Variants in ATG10 observed in about 807,000 individuals in gnomAD.
The protein encoded by ATG10 is autophagy related 10.
A neutral mutation model predicts 32.1 loss-of-function variants in ATG10; 30 were observed. The ratio of observed to expected loss-of-function variants is 0.94; its 90% CI spans 0.70 to 1.27. The LOEUF is 1.27. Among genes scored for constraint, ATG10 ranks in the 50% most tolerant of loss-of-function variants. The pLI is 0.00. For missense variants in ATG10, 233 were observed against 262.3 expected, an observed-to-expected ratio of 0.89 and a Z score of 0.77; for synonymous variants, 87 against 91.5, an observed-to-expected ratio of 0.95 and a Z score of 0.28.
chr5:82,137,811 G>A (rs1766827886), intron 3 of ATG10, among the ~76,000 whole-genome samples: 1 of 152,084 alleles, frequency 6.6e-6, no homozygotes, highest in Non-Finnish European at 1.5e-5. Context: ...CTGAAGCTTC[G>A]CCCACTGCCA....
At chr5:82,166,188 CCTTT>C (rs756824755) in intron 4 of ATG10, among the ~76,000 whole-genome samples, 7 of 152,076 alleles carry the variant, frequency 4.6e-5, no homozygotes, top group Non-Finnish European at 1.0e-4. Flanking sequence ...TTTCTGTGAT[CCTTT>C]CTTCACGATT....
At chr5:81,991,795 CAA>C (rs879300586) in intron 2 of ATG10, among the ~76,000 whole-genome samples, 5 of 127,306 alleles carry the variant, frequency 3.9e-5, no homozygotes, top group African/African-American at 5.8e-5. Context: ...AACTCCGTCT[CAA>C]AAAAAAAAAA....
At chr5:81,991,790 C>T (rs1452453303) in intron 2 of ATG10, among the ~76,000 whole-genome samples, 1 of 150,046 alleles carries the variant, frequency 6.7e-6, no homozygotes, top group Non-Finnish European at 1.5e-5. Context: ...AGTGAAACTC[C>T]GTCTCAAAAA....
At chr5:82,051,207 A>G (rs1405585815) in intron 2 of ATG10, among the ~76,000 whole-genome samples, 2 of 152,110 alleles carry the variant, frequency 1.3e-5, no homozygotes, top group East Asian at 1.9e-4. Context: ...AATGAAAGCA[A>G]TAATTGTGGA....
chr5:82,204,169 T>C (rs1313251377), intron 5 of ATG10, among the ~76,000 whole-genome samples: 1 of 152,224 alleles, frequency 6.6e-6, no homozygotes, highest in East Asian at 1.9e-4. Flanking sequence ...GTAGTACTGC[T>C]TTATTTTTTG....
intron 1 of ATG10, chr5:81,976,077 T>G (rs1159209674): frequency 6.6e-6 from 1 of 151,220 alleles, no homozygotes; most frequent in African/African-American, 2.4e-5. Flanking sequence ...CTCGGCTCAC[T>G]GCAGGCTCCG....
intron 3 of ATG10, among the ~76,000 whole-genome samples, chr5:82,112,956 G>A (rs1746752258): frequency 6.6e-6 from 1 of 151,874 alleles, no homozygotes; most frequent in African/African-American, 2.4e-5. Context: ...TTATTAAAAT[G>A]TACATTTCAA....
rs114072295 is a variant in ATG10 at position 81,986,935 on chromosome 5, C to T, written c.-12-624C>T. ...GCTTGCAACTGTAATCCCCGCTCCT[C>T]GAGAGGCTGAGGTGGGACAATCACT... On this transcript the variant is annotated intron_variant, in intron 1 of 7. Transcript: ENST00000282185. Among the ~76,000 whole-genome samples the T allele has an allele frequency of 5.9e-3, 895 of 151,964 alleles. 8 individuals are homozygous for T. The highest frequency in any genetic ancestry group is 0.02 in the African/African-American group (840 of 41,446).
intron 5 of ATG10, among the ~76,000 whole-genome samples, chr5:82,229,224 T>A (rs1581828608): frequency 6.6e-6 from 1 of 152,138 alleles, no homozygotes; most frequent in African/African-American, 2.4e-5. Context: ...TCTGAGACAA[T>A]TTTACTTCAT....
chr5:82,087,567 A>G (rs1764733712), intron 3 of ATG10, among the ~76,000 whole-genome samples: 1 of 152,094 alleles, frequency 6.6e-6, no homozygotes, highest in African/African-American at 2.4e-5. Flanking sequence ...AATATTACTG[A>G]CTTCATATAA....
intron 5 of ATG10, among the ~76,000 whole-genome samples, chr5:82,189,480 A>G (rs1311856096): frequency 6.6e-6 from 1 of 152,214 alleles, no homozygotes; most frequent in East Asian, 1.9e-4. Flanking sequence ...GGTGATGCTC[A>G]GTTGTAGTTG....
intron 2 of ATG10, among the ~76,000 whole-genome samples, chr5:82,007,252 T>C (rs1447897025): frequency 6.6e-6 from 1 of 152,244 alleles, no homozygotes; most frequent in Non-Finnish European, 1.5e-5. Context: ...TTCTATTAGA[T>C]GATGACTTCT....
At chr5:82,128,564 T>A (rs1001143432) in intron 3 of ATG10, among the ~76,000 whole-genome samples, 1 of 151,718 alleles carries the variant, frequency 6.6e-6, no homozygotes, top group Non-Finnish European at 1.5e-5. Context: ...TTTGGCTGGA[T>A]ATGAAATTCT....
chr5:82,043,260 A>G lies in ATG10; in HGVS notation c.109-15235A>G, dbSNP rs1226204215. ...CTGAAGCCGTGGCCCTAGCTGTACC[A>G]TGGCCCCTTTTAGCCACAGCTGGAG... On this transcript the variant is annotated intron_variant, in intron 2 of 7. Coordinates refer to ENST00000282185, the MANE Select transcript of ATG10 (RefSeq NM_031482.5). Among the ~76,000 whole-genome samples, 7 of 152,298 alleles carry G rather than the reference A, an allele frequency of 4.6e-5. No homozygotes were observed. In the South Asian group the frequency reaches 8.3e-4, roughly 18 times the overall value.
At chr5:82,251,610 A>C (rs1324608590) in intron 5 of ATG10, among the ~76,000 whole-genome samples, 1 of 152,130 alleles carries the variant, frequency 6.6e-6, no homozygotes, top group East Asian at 1.9e-4. Context: ...CTGCTGGTGT[A>C]TTTAGCTGGC....
chr5:82,143,925 T>C (rs1767246691), intron 3 of ATG10, among the ~76,000 whole-genome samples: 2 of 152,232 alleles, frequency 1.3e-5, no homozygotes, highest in Admixed American at 1.3e-4. Flanking sequence ...TTTCCTTAAA[T>C]ATTTTGTAGA....
intron 3 of ATG10, among the ~76,000 whole-genome samples, chr5:82,088,582 A>G (rs1764768533): frequency 6.6e-6 from 1 of 152,212 alleles, no homozygotes; most frequent in Non-Finnish European, 1.5e-5. Context: ...ATTGTGCTGT[A>G]GGTGAGTCTC....
intron 6 of ATG10, 72 bp from the exon 7 acceptor site, chr5:82,253,242 C>G: frequency 1.0e-6 from 1 of 998,672 alleles, no homozygotes. Flanking sequence ...TGGTGACCAA[C>G]TGATGTTCTA....
intron 2 of ATG10, among the ~76,000 whole-genome samples, chr5:81,999,373 A>G (rs1249181417): frequency 6.6e-6 from 1 of 152,176 alleles, no homozygotes; most frequent in African/African-American, 2.4e-5. Flanking sequence ...TCTGGGACAC[A>G]GCTAAAGCAG....
Sources: allele counts gnomAD v4.1 joint callset (sites outside exome capture counted in the v4.1 genomes callset), GRCh38; gene constraint gnomAD v4.1.1; transcripts MANE v1.5; gene names NCBI Gene and HGNC (gene_info 2026-07-23, HGNC 2026-07-21).